Variants in C1QTNF4 observed in about 807,000 individuals in gnomAD.
The protein encoded by C1QTNF4 is C1q and TNF related 4.
In C1QTNF4, 12 loss-of-function variants were observed where a neutral mutation model predicts 14.6. The ratio of observed to expected loss-of-function variants is 0.82; its 90% confidence interval spans 0.53 to 1.33. The LOEUF is 1.33. C1QTNF4 is among the 40% of genes most tolerant of loss of function. C1QTNF4 has a pLI of 0.00. For missense variants in C1QTNF4, 558 were observed against 500.3 expected (o/e 1.12, Z -1.10); for synonymous variants, 278 against 246.6 (o/e 1.13, Z -1.19).
chr11:47,594,011 C>T (rs543632327), intron 1 of C1QTNF4, 137 bp downstream of exon 1: 3 of 152,246 alleles, frequency 2.0e-5, no homozygotes, highest in Admixed American at 2.0e-4. Context: ...GGAATGAAAG[C>T]CCTTGTGCCT....
At chr11:47,592,384 T>C (rs1223597310) in intron 1 of C1QTNF4, among the ~76,000 whole-genome samples, 3 of 152,200 alleles carry the variant, frequency 2.0e-5, no homozygotes, top group African/African-American at 7.2e-5. Context: ...ACACACAGGC[T>C]TGCTGTGGGG....
upstream of C1QTNF4, chr11:47,594,518 C>T (rs1344551253): frequency 2.0e-5 from 3 of 152,506 alleles, no homozygotes; most frequent in African/African-American, 7.2e-5. Flanking sequence ...CTGGACCCTT[C>T]CTCATCTGTG....
At position 47,590,712 on chromosome 11, in the gene C1QTNF4, C is replaced by G. The variant is rs199885770; in HGVS notation, c.99G>C (p.Ser33=). Residue 33 remains serine, a synonymous_variant, in exon 2 of 2, where the codon TCG becomes TCC. Transcript: ENST00000302514. The part of the protein sequence containing the change: ...PGSSELRSAF[S]AARTTPLEGT... ...CCTCCAGGGGGGTGGTGCGTGCCGC[C>G]GAGAAGGCCGAGCGCAGCTCAGAGG... 1.3e-4 allele frequency: 212 copies of G among 1,610,688 alleles called. No homozygotes were observed. The East Asian group carries it at 1.7e-3, about 13-fold the overall frequency.
At position 47,594,200 on chromosome 11, in the gene C1QTNF4, CCGGGCTGCGGGCTG is replaced by C. The variant is rs975501611; in HGVS notation, c.-72_-59del. The C allele has an allele frequency of 6.6e-6, 1 of 151,978 alleles. No individual in the cohort carries two copies. The highest frequency in any genetic ancestry group is 1.5e-5 in the Non-Finnish European group (1 of 68,024). 9.4% of individuals were successfully genotyped at this position (151,978 alleles called of 1,614,324 possible). ...TTCGGTCTGAGCCCGCGATCTGGCT[CCGGGCTGCGGGCTG>C]CGGGCTGCAGGCTGCAGGCTGCGGG... is the stretch of plus-strand genomic sequence containing the variant. On this transcript the variant is annotated 5_prime_UTR_variant, in exon 1 of 2. Transcript: ENST00000302514.
In C1QTNF4 at chr11:47,590,326, G is replaced by A; in HGVS notation, c.485C>T (p.Ala162Val). The A allele has an allele frequency of 1.6e-6, 2 of 1,282,160 alleles. No individual in the cohort carries two copies. Among genetic ancestry groups the A allele is most frequent in the Non-Finnish European group, 2.0e-6 (2 of 1,014,704 alleles). 79.4% of individuals were successfully genotyped at this position (1,282,160 alleles called of 1,614,324 possible). A position where few individuals can be genotyped will look rare whatever the true frequency, so the allele number is the denominator to read the frequency against. The change falls in exon 2 of 2, where the codon GCT (alanine) becomes GTT (valine). Residue 162 changes from alanine to valine, a missense_variant. Ala to Val is a moderately conservative substitution (Grantham distance 64). Coordinates refer to ENST00000302514, the MANE Select transcript of C1QTNF4 (RefSeq NM_031909.3). The stretch of plus-strand genomic sequence containing the variant: ...GGGCGGCCCGCGCGCAGGCGCGTCA[G>A]CGTCGGCGTCGGCGTAGACTAGGTA... Reference protein sequence around the residue: ...SGYLVYADADADAPARGPPAP... With the variant: ...SGYLVYADADVDAPARGPPAP...
chr11:47,590,378 C>T lies in C1QTNF4; in HGVS notation c.433G>A (p.Gly145Ser), dbSNP rs1262097435. The T allele has an allele frequency of 5.6e-6, 8 of 1,435,202 alleles. No individual in the cohort carries two copies. The African/African-American group carries it at 7.5e-5, about 13-fold the overall frequency. The allele number at this position is 1,435,202 out of a possible 1,614,324, so 88.9% of individuals were successfully genotyped here. Residue 145 changes from glycine to serine, a missense_variant, in exon 2 of 2, where the codon GGC (glycine) becomes AGC (serine). Gly to Ser is a moderately conservative substitution (Grantham distance 56). Coordinates refer to ENST00000302514, the MANE Select transcript of C1QTNF4 (RefSeq NM_031909.3). ...RLHGAPQYALGAPGATFSGYL... is the reference protein window; with the variant it reads ...RLHGAPQYALSAPGATFSGYL... ...CCGCTGAAGGTGGCGCCGGGCGCGC[C>T]TAGCGCGTACTGCGGGGCGCCATGC...
intron 1 of C1QTNF4, among the ~76,000 whole-genome samples, chr11:47,591,756 G>A (rs2097275802): frequency 6.6e-6 from 1 of 152,236 alleles, no homozygotes; most frequent in African/African-American, 2.4e-5. Flanking sequence ...GAGGCCTACA[G>A]CCCTGTCTGC....
In C1QTNF4 at chr11:47,590,249, C is replaced by T. The variant is rs776786694; in HGVS notation, c.562G>A (p.Val188Met). The T allele has an allele frequency of 2.0e-6, 3 of 1,464,232 alleles. No homozygotes were observed. Among genetic ancestry groups the T allele is most frequent in the Admixed American group, 5.4e-5 (2 of 37,032 alleles). 90.7% of individuals were successfully genotyped at this position (1,464,232 alleles called of 1,614,324 possible). The change falls in exon 2 of 2, where the codon GTG becomes ATG. Residue 188 changes from valine (V) to methionine (M), a missense_variant. Transcript: ENST00000302514. Reference sequence around the variant, plus strand: ...GGCCCGGGGCCAGCGTCCGAGCCCACCAAGCTGCGCGTGCGCGCCGCCGAG... The same window carrying T: ...GGCCCGGGGCCAGCGTCCGAGCCCATCAAGCTGCGCGTGCGCGCCGCCGAG... ...AFSAARTRSLVGSDAGPGPRH... is the reference protein window; with the variant it reads ...AFSAARTRSLMGSDAGPGPRH...
At position 47,590,283 on chromosome 11, in the gene C1QTNF4, G is replaced by A. The variant is rs2097274591; in HGVS notation, c.528C>T (p.Arg176=). 1 of 1,211,290 alleles carries A rather than the reference G, an allele frequency of 8.3e-7. No individual in the cohort carries two copies. Among genetic ancestry groups the A allele is most frequent in the African/African-American group, 1.6e-5 (1 of 61,106 alleles). The allele number at this position is 1,211,290 out of a possible 1,614,324, so 75.0% of individuals were successfully genotyped here. A position where few individuals can be genotyped will look rare whatever the true frequency, so the allele number is the denominator to read the frequency against. ...ARGPPAPPEP[R]SAFSAARTRS... is the part of the protein sequence containing the mutation. ...GCGTGCGCGCCGCCGAGAAGGCCGAGCGCGGCTCGGGGGGCGCGGGCGGCC... is the reference window on the plus strand; with the variant it reads ...GCGTGCGCGCCGCCGAGAAGGCCGAACGCGGCTCGGGGGGCGCGGGCGGCC... Residue 176 remains arginine, a synonymous_variant, in exon 2 of 2, where the codon CGC becomes CGT. Transcript: ENST00000302514.
In C1QTNF4 at chr11:47,590,314, G is replaced by A. The variant is rs1420864182; in HGVS notation, c.497C>T (p.Ala166Val). 1.4e-5 allele frequency: 17 copies of A among 1,221,702 alleles called. No homozygotes were observed. Among genetic ancestry groups the A allele is most frequent in the Non-Finnish European group, 1.5e-5 (15 of 977,150 alleles). 75.7% of individuals were successfully genotyped at this position (1,221,702 alleles called of 1,614,324 possible). Residue 166 changes from alanine to valine, a missense_variant, in exon 2 of 2, where the codon GCG (alanine) becomes GTG (valine). Coordinates refer to ENST00000302514, the MANE Select transcript of C1QTNF4 (RefSeq NM_031909.3). ...VYADADADAP[A>V]RGPPAPPEPR... ...CTCGGGGGGCGCGGGCGGCCCGCGC[G>A]CAGGCGCGTCAGCGTCGGCGTCGGC...
rs2097274077 is a variant in C1QTNF4, at chr11:47,589,676, G to C, written c.*145C>G. 9 of 767,882 alleles carry C rather than the reference G, an allele frequency of 1.2e-5. No homozygotes were observed. Among genetic ancestry groups the C allele is most frequent in the South Asian group, 4.4e-5 (2 of 45,850 alleles). The allele number at this position is 767,882 out of a possible 1,614,324, so 47.6% of individuals were successfully genotyped here. A position where few individuals can be genotyped will look rare whatever the true frequency, so the allele number is the denominator to read the frequency against. ...AGACAGCGCAGGGGCCTGGGCTGCCGGGCGCTGCGCGTGCCCGCTTTCCGC... is the reference window on the plus strand; with the variant it reads ...AGACAGCGCAGGGGCCTGGGCTGCCCGGCGCTGCGCGTGCCCGCTTTCCGC... On this transcript the variant is annotated 3_prime_UTR_variant, in exon 2 of 2. Transcript: ENST00000302514.
At chr11:47,595,117 G>T (rs920945105), upstream of C1QTNF4, among the ~76,000 whole-genome samples, 4 of 152,192 alleles carry the variant, frequency 2.6e-5, no homozygotes, top group Non-Finnish European at 5.9e-5. Flanking sequence ...CAAGAGTCCA[G>T]CAGGGCACCC....
At position 47,590,225 on chromosome 11, in the gene C1QTNF4, G is replaced by C; in HGVS notation, c.586C>G (p.Pro196Ala). 1.3e-6 allele frequency: 2 copies of C among 1,539,476 alleles called. No individual in the cohort carries two copies. Among genetic ancestry groups the C allele is most frequent in the South Asian group, 1.2e-5 (1 of 81,658 alleles). ...SLVGSDAGPG[P>A]RHQPLAFDTE... Reference sequence around the variant, plus strand: ...TCGAAGGCGAGTGGTTGGTGCCGCGGCCCGGGGCCAGCGTCCGAGCCCACC... The same window carrying C: ...TCGAAGGCGAGTGGTTGGTGCCGCGCCCCGGGGCCAGCGTCCGAGCCCACC... The change falls in exon 2 of 2, where the codon CCG (proline) becomes GCG (alanine). Residue 196 changes from proline to alanine, a missense_variant. Coordinates refer to ENST00000302514, the MANE Select transcript of C1QTNF4 (RefSeq NM_031909.3).
At chr11:47,593,036 T>TCCAGTGC (rs1385587564) in intron 1 of C1QTNF4, among the ~76,000 whole-genome samples, 1 of 152,170 alleles carries the variant, frequency 6.6e-6, no homozygotes, top group African/African-American at 2.4e-5. Context: ...CTCACAAGTG[T>TCCAGTGC]CCAGTGCATT....
At position 47,590,414 on chromosome 11, in the gene C1QTNF4, A is replaced by T. The variant is rs1283516679; in HGVS notation, c.397T>A (p.Trp133Arg). The change falls in exon 2 of 2, where the codon TGG becomes AGG. Residue 133 changes from tryptophan (W) to arginine (R), a missense_variant. Physicochemically the swap from Trp to Arg is moderately radical, Grantham distance 101 (BLOSUM62 -3). Transcript: ENST00000302514. ...TGCGGGGCGCCATGCAGCCGCAGCC[A>T]CACTGTGTCGCCGTAGTCGAGCTGC... ...MLQLDYGDTV[W>R]LRLHGAPQYA... The T allele has an allele frequency of 1.9e-5, 29 of 1,497,452 alleles. No homozygotes were observed. The highest frequency in any genetic ancestry group is 2.3e-5 in the Non-Finnish European group (26 of 1,129,902). 92.8% of individuals were successfully genotyped at this position (1,497,452 alleles called of 1,614,324 possible). A position where few individuals can be genotyped will look rare whatever the true frequency, so the allele number is the denominator to read the frequency against.
chr11:47,590,298 C>A lies in C1QTNF4; in HGVS notation c.513G>T (p.Ala171=), dbSNP rs1298868556. The part of the protein sequence containing the change: ...DADAPARGPP[A]PPEPRSAFSA... Reference sequence around the variant, plus strand: ...AGAAGGCCGAGCGCGGCTCGGGGGGCGCGGGCGGCCCGCGCGCAGGCGCGT... The same window carrying A: ...AGAAGGCCGAGCGCGGCTCGGGGGGAGCGGGCGGCCCGCGCGCAGGCGCGT... The change falls in exon 2 of 2, where the codon GCG becomes GCT. Residue 171 remains alanine (A), a synonymous_variant. Transcript: ENST00000302514. The A allele has an allele frequency of 8.6e-7, 1 of 1,157,892 alleles. No individual in the cohort carries two copies. 71.7% of individuals were successfully genotyped at this position (1,157,892 alleles called of 1,614,324 possible). A position where few individuals can be genotyped will look rare whatever the true frequency, so the allele number is the denominator to read the frequency against.
rs2097275088 is a variant in C1QTNF4 at position 47,590,729 on chromosome 11, G to A, written c.82C>T (p.Leu28=). Residue 28 remains leucine (L), a synonymous_variant, in exon 2 of 2, where the codon CTG becomes TTG. Coordinates refer to ENST00000302514, the MANE Select transcript of C1QTNF4 (RefSeq NM_031909.3). ...GPTPGPGSSE[L]RSAFSAARTT... The stretch of plus-strand genomic sequence containing the variant: ...CGTGCCGCCGAGAAGGCCGAGCGCA[G>A]CTCAGAGGATCCCGGGCCGGGGGTC... 6.2e-7 allele frequency: 1 copy of A among 1,609,178 alleles called. No homozygotes were observed.
At chr11:47,591,424 G>A (rs1180275927) in intron 1 of C1QTNF4, among the ~76,000 whole-genome samples, 1 of 114,334 alleles carries the variant, frequency 8.7e-6, no homozygotes, top group Non-Finnish European at 1.7e-5. Flanking sequence ...GAGTCTGGCT[G>A]TGTCGCCAGG....
intron 1 of C1QTNF4, among the ~76,000 whole-genome samples, chr11:47,591,479 C>T (rs1303264633): frequency 6.6e-6 from 1 of 150,934 alleles, no homozygotes; most frequent in Non-Finnish European, 1.5e-5. Context: ...GCCTCCACCT[C>T]CCAGGTTCAA....
Sources: gnomAD v4.1 joint callset for allele counts (sites outside exome capture counted in the v4.1 genomes callset) on GRCh38, gnomAD v4.1.1 for gene constraint, MANE v1.5 for transcripts, NCBI Gene and HGNC (gene_info 2026-07-23, HGNC 2026-07-21) for gene names.